FRMD4B: variants seen among roughly 807,000 people sequenced by gnomAD.
FRMD4B encodes FERM domain containing 4B, also known as FERM domain-containing protein 4B.
FRMD4B carries 74 observed loss-of-function variants against 141.5 expected under a neutral mutation model. That is an observed-to-expected ratio of 0.52 (90% CI 0.43 to 0.63). The LOEUF is 0.63. Among genes scored for constraint, FRMD4B ranks in the 30% least tolerant of loss-of-function variants. The pLI is 0.00. For missense variants in FRMD4B, 1,366 were observed against 1,253.4 expected, an observed-to-expected ratio of 1.09 and a Z score of -1.36; for synonymous variants, 506 against 467.9, an observed-to-expected ratio of 1.08 and a Z score of -1.05.
chr3:69,260,887 T>C (rs1168733166), intron 5 of FRMD4B, among the ~76,000 whole-genome samples: 1 of 152,180 alleles, frequency 6.6e-6, no homozygotes, highest in East Asian at 1.9e-4. Flanking sequence ...GGATTGTAAA[T>C]ACACCAATCA....
intron 1 of FRMD4B, among the ~76,000 whole-genome samples, chr3:69,501,937 T>A (rs1342540798): frequency 6.6e-6 from 1 of 152,036 alleles, no homozygotes; most frequent in Non-Finnish European, 1.5e-5. Context: ...CACAATTGCT[T>A]CAAAGAGAAT....
intron 17 of FRMD4B, among the ~76,000 whole-genome samples, chr3:69,192,831 T>G (rs1241095199): frequency 6.6e-6 from 1 of 152,076 alleles, no homozygotes; most frequent in East Asian, 1.9e-4. Context: ...CACTTTTTTT[T>G]TTTTGAGGCA....
At chr3:69,311,563 A>G (rs952968533) in intron 2 of FRMD4B, among the ~76,000 whole-genome samples, 24 of 152,184 alleles carry the variant, frequency 1.6e-4, no homozygotes, top group African/African-American at 5.6e-4. Context: ...AGGAATATCA[A>G]TGAGACTATC....
intron 2 of FRMD4B, among the ~76,000 whole-genome samples, chr3:69,406,987 A>T (rs964604587): frequency 1.9e-4 from 27 of 141,988 alleles, no homozygotes; most frequent in African/African-American, 7.0e-4. Flanking sequence ...ACTTCAAGGG[A>T]TCTGCCTTGG....
At chr3:69,295,528 C>T (rs952252232) in intron 4 of FRMD4B, among the ~76,000 whole-genome samples, 1 of 152,090 alleles carries the variant, frequency 6.6e-6, no homozygotes, top group Non-Finnish European at 1.5e-5. Context: ...CGCCATGATG[C>T]CCAGGCTGGA....
At chr3:69,332,408 A>T (rs1404066711) in intron 1 of FRMD4B, among the ~76,000 whole-genome samples, 1 of 152,176 alleles carries the variant, frequency 6.6e-6, no homozygotes, top group African/African-American at 2.4e-5. Flanking sequence ...CTGAGGCCCA[A>T]AGAAGCAGCT....
chr3:69,382,516 G>A (rs551401763), intron 1 of FRMD4B, among the ~76,000 whole-genome samples: 1 of 152,258 alleles, frequency 6.6e-6, no homozygotes, highest in Non-Finnish European at 1.5e-5. Context: ...CTGTATTTCT[G>A]TTTATATATT....
intron 1 of FRMD4B, among the ~76,000 whole-genome samples, chr3:69,513,707 G>C (rs1706726241): frequency 6.6e-6 from 1 of 151,868 alleles, no homozygotes; most frequent in Non-Finnish European, 1.5e-5. Context: ...AACCAAGTGA[G>C]ATTTATTTCT....
At chr3:69,311,224 G>A (rs544699871) in intron 3 of FRMD4B, 39 bp downstream of exon 3, 2 of 962,724 alleles carry the variant, frequency 2.1e-6, no homozygotes, top group African/African-American at 3.2e-5. Context: ...AGGTAGCCCA[G>A]GCAAAAGGTA....
At chr3:69,199,023 C>T (rs527427659) in intron 11 of FRMD4B, 22 of 382,380 alleles carry the variant, frequency 5.8e-5, no homozygotes, top group South Asian at 5.1e-4. Flanking sequence ...GTAATCACAG[C>T]ACTTTGGGAG....
At chr3:69,358,655 G>C (rs1003989361) in intron 1 of FRMD4B, among the ~76,000 whole-genome samples, 2 of 152,194 alleles carry the variant, frequency 1.3e-5, no homozygotes, top group African/African-American at 2.4e-5. Context: ...AGAATCACTT[G>C]AGCCTGGGAG....
intron 8 of FRMD4B, 81 bp from the exon 9 acceptor site, chr3:69,222,004 G>T (rs968080214): frequency 1.3e-6 from 1 of 777,358 alleles, no homozygotes; most frequent in African/African-American, 1.7e-5. Flanking sequence ...TCAGGTGGCT[G>T]TCAGGAAACT....
At chr3:69,390,003 G>T (rs528488165), upstream of FRMD4B, among the ~76,000 whole-genome samples, 1 of 151,928 alleles carries the variant, frequency 6.6e-6, no homozygotes, top group Non-Finnish European at 1.5e-5. Flanking sequence ...CTCTCTGGAG[G>T]CTTAAGAAGA....
intron 2 of FRMD4B, among the ~76,000 whole-genome samples, chr3:69,402,154 G>T (rs934968792): frequency 6.6e-6 from 1 of 152,158 alleles, no homozygotes; most frequent in Non-Finnish European, 1.5e-5. Context: ...CCTAGGGCAG[G>T]TATGGTAATC....
chr3:69,269,673 C>G (rs963065018), intron 5 of FRMD4B, among the ~76,000 whole-genome samples: 4 of 152,244 alleles, frequency 2.6e-5, no homozygotes, highest in Non-Finnish European at 5.9e-5. Flanking sequence ...GAGACAGGGT[C>G]TTGCTCTGTC....
intron 2 of FRMD4B, 121 bp downstream of exon 2, chr3:69,313,331 C>CA: frequency 1.4e-6 from 1 of 731,520 alleles, no homozygotes; most frequent in Non-Finnish European, 2.5e-6. Context: ...GCAAAGATAA[C>CA]AGAGAAGCCT....
chr3:69,525,827 A>AT (rs113241532), intron 1 of FRMD4B, among the ~76,000 whole-genome samples: 5,324 of 142,680 alleles, frequency 0.037, 165 homozygotes, highest in East Asian at 0.11. Context: ...TAAGTTTTGT[A>AT]TTTTTTTTTT....
At chr3:69,446,860 C>T (rs1053888232) in intron 1 of FRMD4B, among the ~76,000 whole-genome samples, 4 of 152,152 alleles carry the variant, frequency 2.6e-5, no homozygotes, top group Admixed American at 2.6e-4. Flanking sequence ...GAAATTTAAG[C>T]CTCATTGACA....
At chr3:69,506,516 G>A (rs2107082615) in intron 1 of FRMD4B, among the ~76,000 whole-genome samples, 1 of 151,710 alleles carries the variant, frequency 6.6e-6, no homozygotes, top group South Asian at 2.1e-4. Context: ...AGTAAATAAA[G>A]GTAACTCTAC....
Sources: allele counts gnomAD v4.1 joint callset (sites outside exome capture counted in the v4.1 genomes callset), GRCh38; gene constraint gnomAD v4.1.1; transcripts MANE v1.5; gene names NCBI Gene and HGNC (gene_info 2026-07-23, HGNC 2026-07-21).